Variants in MOK observed in about 807,000 individuals in gnomAD.
MOK encodes MAPK/MAK/MRK overlapping kinase.
Under a neutral mutation model 54.2 loss-of-function variants are expected in MOK, and 59 were observed. That is an observed-to-expected ratio of 1.09 (90% CI 0.88 to 1.35). The LOEUF is 1.35. Among genes scored for constraint, MOK ranks in the 40% most tolerant of loss-of-function variants. The pLI is 0.00. For synonymous variants in MOK, 210 were observed against 202.7 expected, an observed-to-expected ratio of 1.04 and a Z score of -0.31; for missense variants, 517 against 526.2, an observed-to-expected ratio of 0.98 and a Z score of 0.17.
chr14:102,232,079 C>T lies in MOK; in HGVS notation c.867-258G>A, dbSNP rs146830658. On this transcript the variant is annotated intron_variant, in intron 9 of 11. Transcript: ENST00000361847. The surrounding 1 kb of genome is among the most constrained non-coding windows in gnomAD (Gnocchi z 5.1). ...GCAGTTTCAGATCAAACTGTCACCTCCACAGTTAGGCAAACAGGAGTGTCC... is the reference window on the plus strand; with the variant it reads ...GCAGTTTCAGATCAAACTGTCACCTTCACAGTTAGGCAAACAGGAGTGTCC... 2.3e-6 allele frequency: 1 copy of T among 439,776 alleles called. No individual in the cohort carries two copies. Among genetic ancestry groups the T allele is most frequent in the Non-Finnish European group, 4.1e-6 (1 of 246,372 alleles). The allele number at this position is 439,776 out of a possible 1,614,324, so 27.2% of individuals were successfully genotyped here.
At chr14:102,224,359 C>A (rs960002019), downstream of MOK, 2 of 345,580 alleles carry the variant, frequency 5.8e-6, no homozygotes, top group East Asian at 1.6e-4. Context: ...ATTTTTCTTA[C>A]TTGGTTGAAA....
In MOK at chr14:102,235,538, G is replaced by GCC. The variant is rs1299668375; in HGVS notation, c.591-1751_591-1750dup. The GCC allele has an allele frequency of 1.3e-5, 2 of 152,140 alleles. No individual in the cohort carries two copies. Among genetic ancestry groups the GCC allele is most frequent in the East Asian group, 3.9e-4 (2 of 5,190 alleles). 9.4% of individuals were successfully genotyped at this position (152,140 alleles called of 1,614,324 possible). A position where few individuals can be genotyped will look rare whatever the true frequency, so the allele number is the denominator to read the frequency against. ...CGTACCTGGGCGTATCAACCCACAG[G>GCC]CCCCTGCCAGACCTCCTGTAATCAT... On this transcript the variant is annotated intron_variant, in intron 7 of 11. Coordinates refer to ENST00000361847, the MANE Select transcript of MOK (RefSeq NM_014226.3). The surrounding 1 kb of genome is among the most constrained non-coding windows in gnomAD (Gnocchi z 4.4).
chr14:102,237,759 C>T (rs2065352702), intron 7 of MOK, among the ~76,000 whole-genome samples: 1 of 152,196 alleles, frequency 6.6e-6, no homozygotes, highest in Non-Finnish European at 1.5e-5. Flanking sequence ...CCCCTGTAGC[C>T]TACCTCTCTA....
At chr14:102,300,784 G>A (rs1448687633) in intron 1 of MOK, among the ~76,000 whole-genome samples, 2 of 152,044 alleles carry the variant, frequency 1.3e-5, no homozygotes, top group East Asian at 1.9e-4. Context: ...TATGTGATTG[G>A]TATTATCATC....
At chr14:102,257,939 T>C (rs2067101235) in intron 4 of MOK, among the ~76,000 whole-genome samples, 1 of 148,864 alleles carries the variant, frequency 6.7e-6, no homozygotes, top group Admixed American at 6.8e-5. Flanking sequence ...ATCACGCCAC[T>C]GCACTCCAGC....
intron 1 of MOK, among the ~76,000 whole-genome samples, chr14:102,297,878 G>A (rs1056764054): frequency 8.5e-5 from 13 of 152,194 alleles, no homozygotes; most frequent in Middle Eastern, 3.2e-3. Flanking sequence ...CCGGCCCACC[G>A]GCCCTGCCTG....
At chr14:102,289,550 A>G (rs1313854689) in intron 1 of MOK, among the ~76,000 whole-genome samples, 1 of 151,924 alleles carries the variant, frequency 6.6e-6, no homozygotes, top group Non-Finnish European at 1.5e-5. Context: ...GTGTTGCCCA[A>G]GTGATCTCGG....
intron 8 of MOK, chr14:102,233,170 C>G (rs1464030621): frequency 6.4e-6 from 1 of 155,522 alleles, no homozygotes; most frequent in African/African-American, 2.4e-5. Context: ...AAAATGGTTG[C>G]CACCTTCTCC....
chr14:102,226,388 T>G (rs987011003), downstream of MOK: 4 of 702,962 alleles, frequency 5.7e-6, no homozygotes, highest in Non-Finnish European at 1.0e-5. The surrounding 1 kb of genome is among the most constrained non-coding windows in gnomAD (Gnocchi z 4.8). Context: ...TGAGGCCTCA[T>G]CCTCGCTTCC....
At chr14:102,226,527 A>G (rs1309601635), downstream of MOK, 1 of 688,266 alleles carries the variant, frequency 1.5e-6, no homozygotes, top group Admixed American at 2.0e-5. The surrounding 1 kb of genome is among the most constrained non-coding windows in gnomAD (Gnocchi z 4.8). Flanking sequence ...GGGCCCCGGC[A>G]GCAGGGCAAG....
At chr14:102,233,290 C>A (rs531335731) in intron 8 of MOK, 1 of 180,592 alleles carries the variant, frequency 5.5e-6, no homozygotes, top group Non-Finnish European at 1.2e-5. Context: ...CCTAAGAGTC[C>A]GGGAACACCT....
chr14:102,247,019 G>C (rs887044157), intron 7 of MOK, among the ~76,000 whole-genome samples: 2 of 151,852 alleles, frequency 1.3e-5, no homozygotes, highest in Non-Finnish European at 2.9e-5. Context: ...TCAGAGTACT[G>C]CAACGGCCGA....
chr14:102,258,751 T>G (rs1039422432), intron 4 of MOK, among the ~76,000 whole-genome samples: 1 of 152,238 alleles, frequency 6.6e-6, no homozygotes, highest in Non-Finnish European at 1.5e-5. Context: ...CACTTTCATA[T>G]AGTTTATGTG....
intron 1 of MOK, among the ~76,000 whole-genome samples, chr14:102,301,335 G>A (rs1453087323): frequency 1.3e-5 from 2 of 152,074 alleles, no homozygotes; most frequent in African/African-American, 4.8e-5. Context: ...ATGCCCACCC[G>A]GTTCCAAAGC....
intron 1 of MOK, among the ~76,000 whole-genome samples, chr14:102,299,502 G>A (rs555812598): frequency 6.6e-6 from 1 of 150,976 alleles, no homozygotes; most frequent in East Asian, 1.9e-4. Flanking sequence ...GCAACAGAGT[G>A]AGACTACCTA....
intron 1 of MOK, among the ~76,000 whole-genome samples, chr14:102,297,051 C>CTA (rs758038180): frequency 2.0e-5 from 3 of 151,630 alleles, no homozygotes; most frequent in Admixed American, 6.6e-5. Context: ...CAGCGAGACT[C>CTA]TGTCTCAAAA....
intron 1 of MOK, among the ~76,000 whole-genome samples, chr14:102,286,163 G>A (rs2070047379): frequency 1.3e-5 from 2 of 151,474 alleles, no homozygotes; most frequent in African/African-American, 2.4e-5. Flanking sequence ...GCCGGGCGTG[G>A]TGGCGGGTGC....
At chr14:102,278,894 A>C (rs937719710) in intron 2 of MOK, among the ~76,000 whole-genome samples, 1 of 152,204 alleles carries the variant, frequency 6.6e-6, no homozygotes, top group Non-Finnish European at 1.5e-5. Flanking sequence ...GGAAAAACTG[A>C]TTTACATAGC....
At chr14:102,265,525 G>A (rs1178926130) in intron 3 of MOK, among the ~76,000 whole-genome samples, 1 of 152,078 alleles carries the variant, frequency 6.6e-6, no homozygotes, top group African/African-American at 2.4e-5. Flanking sequence ...CCAGCTACTC[G>A]GGAGGCTGAG....
Sources: gnomAD v4.1 joint callset for allele counts (sites outside exome capture counted in the v4.1 genomes callset) on GRCh38, gnomAD v4.1.1 for gene constraint, Gnocchi (gnomAD v3.1) non-coding constraint, MANE v1.5 for transcripts, NCBI Gene and HGNC (gene_info 2026-07-23, HGNC 2026-07-21) for gene names.